DCC: variants seen among roughly 807,000 people sequenced by gnomAD.
The protein encoded by DCC is DCC netrin 1 receptor, also known as netrin receptor DCC.
A neutral mutation model predicts 172.5 loss-of-function variants in DCC; 58 were observed. The observed-to-expected ratio is 0.34, with a 90% CI of 0.27 to 0.42. The LOEUF (loss-of-function observed/expected upper bound fraction) is 0.42, where lower values mean the gene tolerates loss of function less well. DCC is among the 10% of genes least tolerant of loss of function. The pLI, the probability that DCC is intolerant of heterozygous loss-of-function variation, is 1.00. For synonymous variants in DCC, 709 were observed against 644.5 expected, an observed-to-expected ratio of 1.10 and a Z score of -1.52; for missense variants, 1,740 against 1,791.0, an observed-to-expected ratio of 0.97 and a Z score of 0.51.
At chr18:52,413,817 C>A (rs887125415) in intron 1 of DCC, among the ~76,000 whole-genome samples, 2 of 152,056 alleles carry the variant, frequency 1.3e-5, no homozygotes, top group Non-Finnish European at 2.9e-5. Flanking sequence ...TTGTGAGTTT[C>A]GGTGTCTTTT....
chr18:52,690,969 C>G (rs111727224), intron 1 of DCC, among the ~76,000 whole-genome samples: 11 of 151,994 alleles, frequency 7.2e-5, no homozygotes, highest in African/African-American at 2.7e-4. Flanking sequence ...TCAGCATATA[C>G]GAAGGTCTGC....
At chr18:53,454,713 A>T (rs1248028577) in intron 23 of DCC, among the ~76,000 whole-genome samples, 1 of 152,186 alleles carries the variant, frequency 6.6e-6, no homozygotes, top group Admixed American at 6.5e-5. Flanking sequence ...TCTTGACAAA[A>T]ATAATTATTT....
At chr18:52,418,255 T>C (rs1331189289) in intron 1 of DCC, among the ~76,000 whole-genome samples, 1 of 152,204 alleles carries the variant, frequency 6.6e-6, no homozygotes, top group East Asian at 1.9e-4. Flanking sequence ...AATCCAAAAA[T>C]ACCCCTGGTG....
intron 2 of DCC, among the ~76,000 whole-genome samples, chr18:52,864,463 A>G (rs995511977): frequency 1.3e-5 from 2 of 152,154 alleles, no homozygotes; most frequent in Non-Finnish European, 2.9e-5. Flanking sequence ...TATTTTGGAG[A>G]CCAATCTAGT....
chr18:52,530,861 G>A (rs1342078752), intron 1 of DCC, among the ~76,000 whole-genome samples: 1 of 152,172 alleles, frequency 6.6e-6, no homozygotes, highest in Non-Finnish European at 1.5e-5. Flanking sequence ...GCCTATGTCA[G>A]CTTCCTGCAG....
intron 28 of DCC, among the ~76,000 whole-genome samples, chr18:53,527,194 CTCT>C (rs1418432533): frequency 1.5e-5 from 2 of 135,032 alleles, no homozygotes; most frequent in Non-Finnish European, 3.2e-5. Context: ...GACTATATAA[CTCT>C]TCTTCTTCCT....
At chr18:53,170,872 G>T (rs2055003601) in intron 8 of DCC, among the ~76,000 whole-genome samples, 1 of 152,016 alleles carries the variant, frequency 6.6e-6, no homozygotes, top group South Asian at 2.1e-4. Flanking sequence ...TTTGAGGTTT[G>T]TTTTTTGTTG....
chr18:52,714,845 G>A (rs2036352501), intron 1 of DCC, among the ~76,000 whole-genome samples: 1 of 152,200 alleles, frequency 6.6e-6, no homozygotes, highest in African/African-American at 2.4e-5. Flanking sequence ...TATAAAAGAT[G>A]TTGTCTTTGA....
rs937305738 is a variant in DCC at position 52,823,918 on chromosome 18, A to G, written c.412+71544A>G. On this transcript the variant is annotated intron_variant, in intron 2 of 28. Transcript: ENST00000442544. ...GGGAATCTAGGACTAGAGAAGGTGT[A>G]ATGCCTGCAGGTTGTTTATACAGCT... Among the ~76,000 whole-genome samples, 127 of 152,340 alleles carry G rather than the reference A, an allele frequency of 8.3e-4. 1 individual carries two copies. Among genetic ancestry groups the G allele is most frequent in the Non-Finnish European group, 2.6e-4 (18 of 68,042 alleles).
chr18:53,018,224 G>A (rs1049320521), intron 5 of DCC, among the ~76,000 whole-genome samples: 9 of 152,026 alleles, frequency 5.9e-5, no homozygotes, highest in African/African-American at 1.5e-4. Flanking sequence ...TTCTACTTAG[G>A]CAACATGACA....
At chr18:52,968,988 C>T (rs2145582189) in intron 5 of DCC, among the ~76,000 whole-genome samples, 1 of 152,162 alleles carries the variant, frequency 6.6e-6, no homozygotes, top group East Asian at 1.9e-4. Context: ...CTCCCTTAGC[C>T]TGTAAGTTGC....
chr18:52,395,225 T>C (rs1044589767), intron 1 of DCC, among the ~76,000 whole-genome samples: 1 of 152,062 alleles, frequency 6.6e-6, no homozygotes, highest in Non-Finnish European at 1.5e-5. Flanking sequence ...AGTATTTTTA[T>C]GTTTAGATTG....
chr18:53,257,459 A>G (rs563567133), intron 12 of DCC, among the ~76,000 whole-genome samples: 8 of 152,190 alleles, frequency 5.3e-5, no homozygotes, highest in African/African-American at 9.7e-5. Flanking sequence ...TTCTGCATCT[A>G]TTGAGATAAT....
At chr18:53,103,942 T>A (rs573415234) in intron 7 of DCC, among the ~76,000 whole-genome samples, 1 of 152,014 alleles carries the variant, frequency 6.6e-6, no homozygotes, top group African/African-American at 2.4e-5. Context: ...TGAGGCACTT[T>A]CTTGGGGTAT....
intron 12 of DCC, among the ~76,000 whole-genome samples, chr18:53,255,033 G>A (rs2056487897): frequency 6.6e-6 from 1 of 151,800 alleles, no homozygotes; most frequent in Non-Finnish European, 1.5e-5. Context: ...TCCTCTATTG[G>A]AAACAATGAG....
intron 7 of DCC, among the ~76,000 whole-genome samples, chr18:53,143,414 C>G (rs8088857): frequency 2.0e-5 from 3 of 152,034 alleles, no homozygotes; most frequent in Non-Finnish European, 4.4e-5. Flanking sequence ...AAAACTCTTA[C>G]AATCTCCAGA....
chr18:52,690,155 CT>C (rs1233010606), intron 1 of DCC, among the ~76,000 whole-genome samples: 2 of 152,118 alleles, frequency 1.3e-5, no homozygotes, highest in African/African-American at 4.8e-5. Flanking sequence ...ATTTAGATCC[CT>C]GGCCTTCATA....
intron 12 of DCC, among the ~76,000 whole-genome samples, chr18:53,300,958 A>ATTCTTTCTTTCTTTCTTTCTTTCTT: frequency 1.2e-5 from 1 of 81,696 alleles, no homozygotes; most frequent in East Asian, 3.0e-4. Flanking sequence ...TTGGTTCTGG[A>ATTCTTTCTTTCTTTCTTTCTTTCTT]TTCATTCTTT....
intron 5 of DCC, among the ~76,000 whole-genome samples, chr18:52,978,757 A>G (rs758653917): frequency 5.3e-5 from 8 of 152,316 alleles, no homozygotes; most frequent in Admixed American, 6.5e-5. Flanking sequence ...TATCCATTGT[A>G]TCACTCTGTA....
Sources: gnomAD v4.1 joint callset for allele counts (sites outside exome capture counted in the v4.1 genomes callset) on GRCh38, gnomAD v4.1.1 for gene constraint, MANE v1.5 for transcripts, NCBI Gene and HGNC (gene_info 2026-07-23, HGNC 2026-07-21) for gene names.